Variants in STXBP6 observed in about 807,000 individuals in gnomAD.
STXBP6 encodes syntaxin binding protein 6.
A neutral mutation model predicts 26.9 loss-of-function variants in STXBP6; 21 were observed. The observed-to-expected ratio is 0.78, with a 90% CI of 0.55 to 1.12. STXBP6 has a LOEUF of 1.12. Ranked by LOEUF, STXBP6 falls within the 50% of genes most tolerant of loss-of-function variation. STXBP6 has a pLI of 0.00. For missense variants in STXBP6, 232 were observed against 257.9 expected, an observed-to-expected ratio of 0.90 and a Z score of 0.69; for synonymous variants, 97 against 92.6, an observed-to-expected ratio of 1.05 and a Z score of -0.27.
chr14:25,046,955 G>A (rs973021196), intron 1 of STXBP6, among the ~76,000 whole-genome samples: 1 of 152,190 alleles, frequency 6.6e-6, no homozygotes, highest in African/African-American at 2.4e-5. Context: ...CAGAAGGAAT[G>A]AAAGGGCTTT....
chr14:24,947,152 G>C (rs1047187179), intron 2 of STXBP6, among the ~76,000 whole-genome samples: 1 of 152,092 alleles, frequency 6.6e-6, no homozygotes, highest in Non-Finnish European at 1.5e-5. Context: ...AGGTGAAAGG[G>C]GTCTTTGGAA....
At chr14:24,847,981 G>C (rs2069021388) in intron 4 of STXBP6, among the ~76,000 whole-genome samples, 1 of 152,092 alleles carries the variant, frequency 6.6e-6, no homozygotes, top group Non-Finnish European at 1.5e-5. Flanking sequence ...CTATAGTATA[G>C]CTCAGCTCAT....
intron 4 of STXBP6, among the ~76,000 whole-genome samples, chr14:24,819,752 T>C (rs536320120): frequency 1.1e-3 from 168 of 152,354 alleles, no homozygotes; most frequent in Non-Finnish European, 2.1e-3. Flanking sequence ...TACAGCTTCA[T>C]GTAAGAGCTA....
chr14:24,948,207 C>T (rs2140037000), intron 2 of STXBP6, among the ~76,000 whole-genome samples: 1 of 152,042 alleles, frequency 6.6e-6, no homozygotes, highest in East Asian at 1.9e-4. Flanking sequence ...TTTTCAAACT[C>T]ACAGGGGAAA....
intron 1 of STXBP6, among the ~76,000 whole-genome samples, chr14:25,017,810 T>C (rs566362393): frequency 1.3e-5 from 2 of 152,216 alleles, no homozygotes; most frequent in Non-Finnish European, 2.9e-5. Flanking sequence ...CAGGCCTTGG[T>C]TCACAGTGGG....
intron 2 of STXBP6, chr14:24,878,540 T>C (rs1421992245): frequency 6.5e-6 from 1 of 154,808 alleles, no homozygotes; most frequent in Non-Finnish European, 1.4e-5. Flanking sequence ...ATTTCACATG[T>C]GACCTTCAAT....
chr14:25,017,587 A>T (rs1328461405), intron 1 of STXBP6, among the ~76,000 whole-genome samples: 1 of 152,234 alleles, frequency 6.6e-6, no homozygotes, highest in Admixed American at 6.5e-5. Context: ...CAAAGATCAG[A>T]GACTCCAGGG....
intron 1 of STXBP6, among the ~76,000 whole-genome samples, chr14:25,037,451 T>C (rs1392820568): frequency 6.6e-6 from 1 of 152,228 alleles, no homozygotes; most frequent in Non-Finnish European, 1.5e-5. Context: ...TGTATAATGA[T>C]AATACTCAAA....
intron 2 of STXBP6, among the ~76,000 whole-genome samples, chr14:24,860,720 AC>A (rs1457575885): frequency 6.6e-6 from 1 of 152,022 alleles, no homozygotes; most frequent in Non-Finnish European, 1.5e-5. Context: ...CATTTACTAT[AC>A]ACATTGAACT....
chr14:24,859,503 T>A (rs577418723), intron 2 of STXBP6, among the ~76,000 whole-genome samples: 2 of 152,174 alleles, frequency 1.3e-5, no homozygotes, highest in African/African-American at 4.8e-5. Context: ...ACTTTTTGAG[T>A]ACATACTTGA....
rs147606577 is a variant in STXBP6 at position 24,936,682 on chromosome 14, A to G, written c.154+37983T>C. ...GTTGAACTAATTTACACTCCCACCA[A>G]CAGTGTAAAAGTGTTCCTATTTCTC... is the stretch of plus-strand genomic sequence containing the variant. On this transcript the variant is annotated intron_variant, in intron 2 of 5. Transcript: ENST00000323944. 3.2e-4 allele frequency among the ~76,000 whole-genome samples: 49 copies of G among 152,322 alleles called. No homozygotes were observed. In the East Asian group the frequency reaches 9.5e-3, roughly 29 times the overall value.
At chr14:24,931,903 C>A (rs2146918) in intron 2 of STXBP6, among the ~76,000 whole-genome samples, 77,109 of 151,866 alleles carry the variant, frequency 0.51, 19,766 homozygotes, top group South Asian at 0.6. Context: ...TAACAAAATA[C>A]ACAAGGACAA....
intron 4 of STXBP6, among the ~76,000 whole-genome samples, chr14:24,851,492 G>T (rs2042643345): frequency 6.6e-6 from 1 of 150,960 alleles, no homozygotes; most frequent in Admixed American, 6.6e-5. Flanking sequence ...GCGGTGTTTG[G>T]TTTTTTGTCC....
At chr14:25,041,286 A>T (rs2075638085) in intron 1 of STXBP6, among the ~76,000 whole-genome samples, 1 of 152,172 alleles carries the variant, frequency 6.6e-6, no homozygotes, top group South Asian at 2.1e-4. Context: ...ATTCCACTCC[A>T]GCCTGGGCAA....
intron 2 of STXBP6, among the ~76,000 whole-genome samples, chr14:24,919,963 G>C (rs2071922344): frequency 6.6e-6 from 1 of 151,986 alleles, no homozygotes; most frequent in South Asian, 2.1e-4. Context: ...TTGTGCTCTT[G>C]CGAAGAATGT....
chr14:24,995,904 C>T (rs74037429), intron 1 of STXBP6, among the ~76,000 whole-genome samples: 19 of 152,294 alleles, frequency 1.2e-4, no homozygotes, highest in African/African-American at 4.3e-4. Context: ...AAACCTTACA[C>T]ACCAGATTTT....
intron 4 of STXBP6, among the ~76,000 whole-genome samples, chr14:24,829,377 CAA>C (rs1415447043): frequency 6.6e-6 from 1 of 152,050 alleles, no homozygotes; most frequent in Non-Finnish European, 1.5e-5. Context: ...GTTTCATAAA[CAA>C]TGTTTATAAA....
At chr14:25,024,080 T>G (rs1301093752) in intron 1 of STXBP6, among the ~76,000 whole-genome samples, 1 of 151,710 alleles carries the variant, frequency 6.6e-6, no homozygotes, top group African/African-American at 2.4e-5. Flanking sequence ...GAGGCCGAGG[T>G]GGGCAGATCA....
At chr14:25,017,609 T>C (rs531035393) in intron 1 of STXBP6, among the ~76,000 whole-genome samples, 1 of 152,356 alleles carries the variant, frequency 6.6e-6, no homozygotes, top group South Asian at 2.1e-4. Flanking sequence ...AACCTACAAG[T>C]TGTGGTCATT....
Sources: gnomAD v4.1 joint callset for allele counts (sites outside exome capture counted in the v4.1 genomes callset) on GRCh38, gnomAD v4.1.1 for gene constraint, MANE v1.5 for transcripts, NCBI Gene and HGNC (gene_info 2026-07-23, HGNC 2026-07-21) for gene names.